Variants in MISP observed in about 807,000 individuals in gnomAD.
MISP encodes mitotic spindle positioning, also known as mitotic interactor and substrate of PLK1.
MISP carries 51 observed loss-of-function variants against 49.3 expected under a neutral mutation model. That is an observed-to-expected ratio of 1.03 (90% CI 0.83 to 1.31). The LOEUF (loss-of-function observed/expected upper bound fraction) is 1.31, where lower values mean the gene tolerates loss of function less well. MISP is among the 50% of genes most tolerant of loss of function. The pLI is 0.00. For synonymous variants in MISP, 444 were observed against 392.6 expected (o/e 1.13, Z -1.55); for missense variants, 1,084 against 935.1 (o/e 1.16, Z -2.08).
intron 1 of MISP, among the ~76,000 whole-genome samples, chr19:751,544 T>G (rs545782288): frequency 1.4e-4 from 22 of 152,156 alleles, no homozygotes; most frequent in African/African-American, 5.3e-4. Context: ...TCCAGAGGCT[T>G]CTGGAGAGAT....
At chr19:756,589 A>G (rs1241372374) in intron 1 of MISP, among the ~76,000 whole-genome samples, 2 of 152,186 alleles carry the variant, frequency 1.3e-5, no homozygotes, top group East Asian at 1.9e-4. Context: ...CCCTTAGCCA[A>G]TCACAGAGAT....
chr19:750,452 G>A (rs546047953), upstream of MISP, among the ~76,000 whole-genome samples: 8 of 151,978 alleles, frequency 5.3e-5, no homozygotes, highest in Non-Finnish European at 8.8e-5. Context: ...CGCCCGCCTC[G>A]GCCTCCCAAA....
In MISP at chr19:757,624, G is replaced by A; in HGVS notation, c.678G>A (p.Gly226=). 6.2e-7 allele frequency: 1 copy of A among 1,612,526 alleles called. No individual in the cohort carries two copies. Among genetic ancestry groups the A allele is most frequent in the East Asian group, 2.2e-5 (1 of 44,828 alleles). Residue 226 remains glycine (G), a synonymous_variant, in exon 2 of 5, where the codon GGG becomes GGA. Coordinates refer to ENST00000215582, the MANE Select transcript of MISP (RefSeq NM_173481.4). ...GGACCCCTGCAGGCACAACCCCAGGGGCCAGCCAGGCCCCCAAGGCCTTCA... is the reference window on the plus strand; with the variant it reads ...GGACCCCTGCAGGCACAACCCCAGGAGCCAGCCAGGCCCCCAAGGCCTTCA... The part of the protein sequence containing the change: ...ARGTPAGTTP[G]ASQAPKAFNK...
chr19:748,578 G>A (rs1414020451), upstream of MISP, among the ~76,000 whole-genome samples: 7 of 152,150 alleles, frequency 4.6e-5, no homozygotes, highest in Non-Finnish European at 7.4e-5. Flanking sequence ...GGGGGCCCTC[G>A]GGTTCTGCGG....
At position 761,613 on chromosome 19, in the gene MISP, C is replaced by G. The variant is rs2033672635; in HGVS notation, c.1912-12C>G. 1.2e-6 allele frequency: 2 copies of G among 1,614,030 alleles called. No homozygotes were observed. Among genetic ancestry groups the G allele is most frequent in the Non-Finnish European group, 1.7e-6 (2 of 1,179,984 alleles). On this transcript the variant is annotated splice_polypyrimidine_tract_variant and intron_variant, in intron 3 of 4. Coordinates refer to ENST00000215582, the MANE Select transcript of MISP (RefSeq NM_173481.4). ...AGAAAGGCCTGGGCTGACTTGTGTT[C>G]CTTTCCTGTAGTACGCTGGCATCAA...
intron 1 of MISP, among the ~76,000 whole-genome samples, chr19:753,188 T>C (rs561599488): frequency 6.6e-6 from 1 of 152,272 alleles, no homozygotes; most frequent in African/African-American, 2.4e-5. Context: ...CTCAGCTGTT[T>C]GTGTGGGATT....
At position 759,965 on chromosome 19, in the gene MISP, C is replaced by T. The variant is rs960272011; in HGVS notation, c.1837C>T (p.His613Tyr). Residue 613 changes from histidine to tyrosine, a missense_variant, in exon 3 of 5, where the codon CAC becomes TAC. Transcript: ENST00000215582. The stretch of plus-strand genomic sequence containing the variant: ...TCCCTTCTTCAGCCCCATCCACCTA[C>T]ACTCAAACGTGGCGTGGACAGTGGA... Reference protein sequence around the residue: ...ESPFFSPIHLHSNVAWTVEDP... With the variant: ...ESPFFSPIHLYSNVAWTVEDP... The T allele has an allele frequency of 1.1e-5, 17 of 1,614,008 alleles. No individual in the cohort carries two copies. The highest frequency in any genetic ancestry group is 1.4e-5 in the Non-Finnish European group (17 of 1,179,984).
intron 1 of MISP, among the ~76,000 whole-genome samples, chr19:754,491 G>A (rs2144954254): frequency 6.6e-6 from 1 of 152,274 alleles, no homozygotes; most frequent in South Asian, 2.1e-4. Flanking sequence ...GCCGGGTGTG[G>A]GGGCGGGTGC....
At chr19:752,733 G>A (rs917246829) in intron 1 of MISP, among the ~76,000 whole-genome samples, 3 of 151,832 alleles carry the variant, frequency 2.0e-5, no homozygotes, top group Non-Finnish European at 2.9e-5. Flanking sequence ...GAGGCTGGGC[G>A]GACAGCTCCC....
chr19:759,783 TTC>T, intron 2 of MISP, 124 bp from the exon 3 acceptor site: 1 of 1,109,712 alleles, frequency 9.0e-7, no homozygotes, highest in Non-Finnish European at 1.3e-6. Flanking sequence ...ATCTGTCAGT[TTC>T]CCGGATAGTC....
At position 757,651 on chromosome 19, in the gene MISP, C is replaced by A. The variant is rs538742996; in HGVS notation, c.705C>A (p.Asn235Lys). ...PGASQAPKAF[N>K]KPHLANGHVV... ...CCAGCCAGGCCCCCAAGGCCTTCAACAAGCCCCACCTGGCCAACGGGCACG... is the reference window on the plus strand; with the variant it reads ...CCAGCCAGGCCCCCAAGGCCTTCAAAAAGCCCCACCTGGCCAACGGGCACG... The change falls in exon 2 of 5, where the codon AAC becomes AAA. Residue 235 changes from asparagine to lysine, a missense_variant. By Grantham distance (94) the Asn-to-Lys change is moderately conservative. Transcript: ENST00000215582. The A allele has an allele frequency of 1.2e-6, 2 of 1,613,238 alleles. No homozygotes were observed. Among genetic ancestry groups the A allele is most frequent in the Admixed American group, 1.7e-5 (1 of 59,900 alleles).
At chr19:753,653 G>A (rs528048958) in intron 1 of MISP, among the ~76,000 whole-genome samples, 7 of 152,062 alleles carry the variant, frequency 4.6e-5, no homozygotes, top group Admixed American at 3.9e-4. Flanking sequence ...GATTACAGGT[G>A]TGAGCCACTG....
intron 3 of MISP, among the ~76,000 whole-genome samples, chr19:760,801 C>T (rs1228557438): frequency 2.6e-5 from 4 of 151,920 alleles, no homozygotes; most frequent in Non-Finnish European, 5.9e-5. Flanking sequence ...GTCTGTCACA[C>T]GCTGGCTCGG....
rs751813606 is a variant in MISP, at chr19:757,417, C to G, written c.471C>G (p.Thr157=). 2 of 1,600,802 alleles carry G rather than the reference C, an allele frequency of 1.2e-6. No homozygotes were observed. Among genetic ancestry groups the G allele is most frequent in the Non-Finnish European group, 1.7e-6 (2 of 1,174,604 alleles). Residue 157 remains threonine, a synonymous_variant, in exon 2 of 5, where the codon ACC becomes ACG. Coordinates refer to ENST00000215582, the MANE Select transcript of MISP (RefSeq NM_173481.4). The stretch of plus-strand genomic sequence containing the variant: ...GCCAGGCAGTCAGGAAGAGCAGCAC[C>G]GTGGCCACGCTCCAGGGCACTCCTG... ...IQGQAVRKSS[T]VATLQGTPDH... is the part of the protein sequence containing the mutation.
chr19:758,063 G>C lies in MISP; in HGVS notation c.1117G>C (p.Gly373Arg), dbSNP rs375556475. 1 of 1,568,426 alleles carries C rather than the reference G, an allele frequency of 6.4e-7. No individual in the cohort carries two copies. Among genetic ancestry groups the C allele is most frequent in the Admixed American group, 1.8e-5 (1 of 56,338 alleles). Residue 373 changes from glycine to arginine, a missense_variant, in exon 2 of 5, where the codon GGC becomes CGC. Transcript: ENST00000215582. ...CCACCGGCGGGAGGGCCTGCACGTG[G>C]GCCGGGCGTCCACACCCGACTGGGT... ...EDHRREGLHVGRASTPDWVSE... is the reference protein window; with the variant it reads ...EDHRREGLHVRRASTPDWVSE...
Position 757,548 on chromosome 19 carries a change from T to A in MISP, c.602T>A (p.Leu201Gln). Residue 201 changes from leucine to glutamine, a missense_variant, in exon 2 of 5, where the codon CTG becomes CAG. Transcript: ENST00000215582. Reference sequence around the variant, plus strand: ...TTCCTGGCAGCGAGACAGCAGTTCCTGAGTCTGGAGCAGGCGAACAAGGGG... The same window carrying A: ...TTCCTGGCAGCGAGACAGCAGTTCCAGAGTCTGGAGCAGGCGAACAAGGGG... ...IDFLAARQQF[L>Q]SLEQANKGAP... 6.2e-7 allele frequency: 1 copy of A among 1,612,508 alleles called. No homozygotes were observed. Among genetic ancestry groups the A allele is most frequent in the Non-Finnish European group, 8.5e-7 (1 of 1,179,524 alleles).
chr19:754,336 C>T (rs1429889046), intron 1 of MISP, among the ~76,000 whole-genome samples: 5 of 152,254 alleles, frequency 3.3e-5, no homozygotes, highest in East Asian at 1.9e-4. Flanking sequence ...TGGTGGCGGG[C>T]GCCCGTAGTC....
At chr19:749,262 T>C (rs1377516604), upstream of MISP, among the ~76,000 whole-genome samples, 2 of 152,254 alleles carry the variant, frequency 1.3e-5, no homozygotes, top group African/African-American at 2.4e-5. Context: ...GGCCTCAGTT[T>C]TCCCCGATGA....
At chr19:759,475 C>A (rs1173195326) in intron 2 of MISP, among the ~76,000 whole-genome samples, 4 of 148,994 alleles carry the variant, frequency 2.7e-5, no homozygotes, top group Admixed American at 1.4e-4. Context: ...TCTCGGCTCA[C>A]TGCAAGCTCC....
Sources: allele counts gnomAD v4.1 joint callset (sites outside exome capture counted in the v4.1 genomes callset), GRCh38; gene constraint gnomAD v4.1.1; transcripts MANE v1.5; gene names NCBI Gene and HGNC (gene_info 2026-07-23, HGNC 2026-07-21).